The following MPRIP variants were observed in gnomAD, a reference collection of about 807,000 sequenced individuals.
The protein encoded by MPRIP is myosin phosphatase Rho interacting protein, also known as myosin phosphatase Rho-interacting protein.
MPRIP carries 59 observed loss-of-function variants against 234.9 expected under a neutral mutation model. That is an observed-to-expected ratio of 0.25 (90% CI 0.20 to 0.31). The LOEUF is 0.31. Ranked by LOEUF, MPRIP falls within the 10% of genes least tolerant of loss-of-function variation. MPRIP has a pLI of 1.00. For synonymous variants in MPRIP, 1,144 were observed against 1,263.9 expected, an observed-to-expected ratio of 0.91 and a Z score of 2.01; for missense variants, 2,436 against 3,071.0, an observed-to-expected ratio of 0.79 and a Z score of 4.89.
intron 3 of MPRIP, among the ~76,000 whole-genome samples, chr17:17,104,267 C>T (rs908011320): frequency 6.6e-6 from 1 of 152,196 alleles, no homozygotes; most frequent in Admixed American, 6.5e-5. Flanking sequence ...GGTGCCAGCG[C>T]TCCTGATGTG....
At chr17:17,177,573 CCA>C (rs1194747188) in intron 22 of MPRIP, among the ~76,000 whole-genome samples, 161 bp downstream of exon 22, 1 of 152,334 alleles carries the variant, frequency 6.6e-6, no homozygotes, top group East Asian at 1.9e-4. Context: ...CACGGCTGCC[CCA>C]GACAGGCCTT....
rs540021374 is a variant in MPRIP, at chr17:17,138,582, C to T, written c.1250+153C>T. Reference sequence around the variant, plus strand: ...CTGTTCAGAGCATAGGGGTATTTTCCCTCTGGGCCCAGAACTCAGCTCTAG... The same window carrying T: ...CTGTTCAGAGCATAGGGGTATTTTCTCTCTGGGCCCAGAACTCAGCTCTAG... On this transcript the variant is annotated intron_variant, in intron 7 of 23. Coordinates refer to ENST00000651222, the MANE Select transcript of MPRIP (RefSeq NM_001364716.4). This position sits in a 1 kb window ranked among gnomAD's most constrained non-coding sequence, Gnocchi z 5.8. Among the ~76,000 whole-genome samples the T allele has an allele frequency of 6.6e-6, 1 of 152,334 alleles. No individual in the cohort carries two copies. Among genetic ancestry groups the T allele is most frequent in the East Asian group, 1.9e-4 (1 of 5,172 alleles).
At chr17:17,126,610 C>CCCA (rs1178449832) in intron 3 of MPRIP, 92 bp from the exon 4 acceptor site, 1 of 1,421,634 alleles carries the variant, frequency 7.0e-7, no homozygotes, top group Non-Finnish European at 9.5e-7. Context: ...AGAGGCCCCA[C>CCCA]AGGCTGGGAG....
rs140738025 is a variant in MPRIP at position 17,158,521 on chromosome 17, C to T, written c.1919C>T (p.Pro640Leu). 4.2e-5 allele frequency: 68 copies of T among 1,611,574 alleles called. No homozygotes were observed. Among genetic ancestry groups the T allele is most frequent in the African/African-American group, 2.7e-4 (20 of 74,894 alleles). Reference protein sequence around the residue: ...TEKQEAELGEPDPEQKRSRAR... With the variant: ...TEKQEAELGELDPEQKRSRAR... ...AAGCAAGAGGCAGAGCTGGGGGAGC[C>T]GGACCCTGAGCAGAAGAGGAGCCGC... Residue 640 changes from proline (P) to leucine (L), a missense_variant, in exon 14 of 24, where the codon CCG becomes CTG. Pro to Leu is a moderately conservative substitution (Grantham distance 98). This residue lies in a region of MPRIP where 1,998 missense variants were observed against 2,520.3 expected (regional missense o/e 0.79). Coordinates refer to ENST00000651222, the MANE Select transcript of MPRIP (RefSeq NM_001364716.4).
intron 3 of MPRIP, among the ~76,000 whole-genome samples, chr17:17,107,750 C>G (rs2090091133): frequency 6.6e-6 from 1 of 152,244 alleles, no homozygotes. Context: ...TGAGCTCGTT[C>G]TTGAGTTCCC....
At chr17:17,044,424 A>G (rs907205139) in intron 1 of MPRIP, among the ~76,000 whole-genome samples, 52 of 152,096 alleles carry the variant, frequency 3.4e-4, no homozygotes, top group African/African-American at 1.2e-3. Context: ...AAATCCCTTT[A>G]CTTCTGTATC....
chr17:17,099,553 G>T (rs938842176), intron 3 of MPRIP, among the ~76,000 whole-genome samples: 1 of 152,106 alleles, frequency 6.6e-6, no homozygotes, highest in African/African-American at 2.4e-5. Context: ...TAGCAAGACC[G>T]CTGTCTCTAC....
intron 3 of MPRIP, 107 bp from the exon 4 acceptor site, chr17:17,126,595 C>A: frequency 7.6e-7 from 1 of 1,314,974 alleles, no homozygotes; most frequent in Non-Finnish European, 1.0e-6. Flanking sequence ...AGGGAGAGCA[C>A]TCCTAGAGGC....
chr17:17,101,606 A>AT (rs1555570620), intron 3 of MPRIP, among the ~76,000 whole-genome samples: 5,456 of 151,848 alleles, frequency 0.036, 164 homozygotes, highest in East Asian at 0.12. Flanking sequence ...CAACAAAAAA[A>AT]ATATATATAT....
intron 3 of MPRIP, among the ~76,000 whole-genome samples, chr17:17,088,024 C>T (rs912270482): frequency 6.6e-6 from 1 of 152,228 alleles, no homozygotes; most frequent in Admixed American, 6.5e-5. Flanking sequence ...CTCTCTCTGC[C>T]TTCCCTGTGT....
intron 5 of MPRIP, among the ~76,000 whole-genome samples, chr17:17,132,597 GA>G (rs1164297197): frequency 6.6e-6 from 1 of 152,222 alleles, no homozygotes. Context: ...AGAGGTCAGG[GA>G]GCATGCACTG....
At chr17:17,096,558 T>A (rs1318874601) in intron 3 of MPRIP, among the ~76,000 whole-genome samples, 1 of 152,170 alleles carries the variant, frequency 6.6e-6, no homozygotes, top group Non-Finnish European at 1.5e-5. Flanking sequence ...AGACAGTTTA[T>A]CTCATTTCCC....
rs1421723810 is a variant in MPRIP, at chr17:17,185,158, T to TG, written c.*265dup. The TG allele has an allele frequency of 8.2e-6, 3 of 365,932 alleles. No homozygotes were observed. In the East Asian group the frequency reaches 1.9e-4, roughly 23 times the overall value. The allele number at this position is 365,932 out of a possible 1,614,324, so 22.7% of individuals were successfully genotyped here. ...CAGCAGTGGGGGCTGGGAGGGCATCTGTGTTAGTCCTTTCCTGGCTGTGAC... is the reference window on the plus strand; with the variant it reads ...CAGCAGTGGGGGCTGGGAGGGCATCTGGTGTTAGTCCTTTCCTGGCTGTGAC... On this transcript the variant is annotated 3_prime_UTR_variant, in exon 24 of 24. Coordinates refer to ENST00000651222, the MANE Select transcript of MPRIP (RefSeq NM_001364716.4).
chr17:17,069,596 T>TA (rs2089145171), intron 1 of MPRIP, among the ~76,000 whole-genome samples: 5 of 152,118 alleles, frequency 3.3e-5, no homozygotes, highest in Admixed American at 3.3e-4. Flanking sequence ...ATATATTTTT[T>TA]ACTGGTTATA....
At chr17:17,101,440 G>T (rs957210092) in intron 3 of MPRIP, among the ~76,000 whole-genome samples, 2 of 152,054 alleles carry the variant, frequency 1.3e-5, no homozygotes, top group Non-Finnish European at 2.9e-5. Flanking sequence ...GGTGGCAGGC[G>T]CCTGTAATCC....
intron 1 of MPRIP, among the ~76,000 whole-genome samples, chr17:17,056,650 AATT>A (rs1253661788): frequency 8.2e-4 from 124 of 152,146 alleles, no homozygotes; most frequent in Non-Finnish European, 1.2e-4. Flanking sequence ...CGCAACATAA[AATT>A]AACCATTTTA....
chr17:17,183,468 G>A (rs554291567), intron 23 of MPRIP, among the ~76,000 whole-genome samples: 33 of 152,118 alleles, frequency 2.2e-4, no homozygotes, highest in Admixed American at 9.8e-4. Flanking sequence ...TGCCCGCCTC[G>A]GCCTCCCAAA....
In MPRIP at chr17:17,192,113, G is replaced by A. The variant is rs367816030; in HGVS notation, c.*7219G>A. ...CCAAGCTGGGGCGCTATATGTGAACGGAGTGGAAATGCTTCAGTCACCTCT... is the reference window on the plus strand; with the variant it reads ...CCAAGCTGGGGCGCTATATGTGAACAGAGTGGAAATGCTTCAGTCACCTCT... On this transcript the variant is annotated 3_prime_UTR_variant, in exon 24 of 24. Transcript: ENST00000651222. 1.3e-5 allele frequency: 2 copies of A among 152,122 alleles called. No homozygotes were observed. The highest frequency in any genetic ancestry group is 1.9e-4 in the East Asian group (1 of 5,194). The allele number at this position is 152,122 out of a possible 1,614,324, so 9.4% of individuals were successfully genotyped here.
At chr17:17,081,703 G>A (rs2089465813) in intron 3 of MPRIP, among the ~76,000 whole-genome samples, 1 of 152,212 alleles carries the variant, frequency 6.6e-6, no homozygotes. Context: ...GACTTCTGCT[G>A]GGGCTGGGGC....
Sources: gnomAD v4.1 joint callset for allele counts (sites outside exome capture counted in the v4.1 genomes callset) on GRCh38, gnomAD v4.1.1 for gene constraint, gnomAD v4.1.1 regional missense constraint, Gnocchi (gnomAD v3.1) non-coding constraint, MANE v1.5 for transcripts, NCBI Gene and HGNC (gene_info 2026-07-23, HGNC 2026-07-21) for gene names.